TTLL8: variants seen among roughly 807,000 people sequenced by gnomAD.
The protein encoded by TTLL8 is protein monoglycylase TTLL8.
A neutral mutation model predicts 77.8 loss-of-function variants in TTLL8; 65 were observed. That is an observed-to-expected ratio of 0.84 (90% CI 0.68 to 1.03). TTLL8 has a LOEUF of 1.03. Ranked by LOEUF, TTLL8 falls within the 50% of genes least tolerant of loss-of-function variation. The pLI, the probability that TTLL8 is intolerant of heterozygous loss-of-function variation, is 0.00. For missense variants in TTLL8, 910 were observed against 1,004.5 expected (o/e 0.91, Z 1.27); for synonymous variants, 402 against 422.8 (o/e 0.95, Z 0.60).
chr22:50,033,111 GC>G, intron 10 of TTLL8, 90 bp downstream of exon 11: 2 of 1,246,746 alleles, frequency 1.6e-6, no homozygotes, highest in Non-Finnish European at 2.1e-6. Flanking sequence ...AGGGGGCCCT[GC>G]CCGTGCTGCT....
chr22:50,049,179 C>A, intron 3 of TTLL8, 70 bp downstream of exon 5: 1 of 1,361,446 alleles, frequency 7.3e-7, no homozygotes, highest in African/African-American at 1.5e-5. Flanking sequence ...AGAGTGGGCA[C>A]GGAGCAGGGC....
intron 1 of TTLL8, 125 bp from the exon 4 acceptor site, chr22:50,050,372 G>T: frequency 1.6e-5 from 8 of 508,844 alleles, no homozygotes; most frequent in South Asian, 3.7e-5. Context: ...CACCCAATAT[G>T]TCCTTTTTTT....
At chr22:50,027,674 A>G in intron 12 of TTLL8, 2 of 985,430 alleles carry the variant, frequency 2.0e-6, no homozygotes, top group South Asian at 9.4e-5. Flanking sequence ...TGCTGGCCGG[A>G]CTGGGCCTGG....
Position 50,054,596 on chromosome 22 carries a change from TG to T in TTLL8, c.30del (p.Arg11GlyfsTer31). Reference sequence around the variant, plus strand: ...CCTACGCAGGCATTCTCTGAGTACCTGGAAGTCTGTTTCCCATCCAGGAGCC... The same window carrying T: ...CCTACGCAGGCATTCTCTGAGTACCTGAAGTCTGTTTCCCATCCAGGAGCC... On this transcript the variant is annotated frameshift_variant, in exon 1 of 14. Coordinates refer to ENST00000266182, the Ensembl canonical transcript of TTLL8. LOFTEE classifies it high-confidence loss of function. 1 of 248,516 alleles carries T rather than the reference TG, an allele frequency of 4.0e-6. No individual in the cohort carries two copies. 15.4% of individuals were successfully genotyped at this position (248,516 alleles called of 1,614,324 possible).
At chr22:50,030,512 C>G in exon 12 of TTLL8, 2 of 1,339,976 alleles carry the variant, frequency 1.5e-6, no homozygotes, top group Non-Finnish European at 2.0e-6. Flanking sequence ...GCGCATTTAG[C>G]TGGTTTGGAT....
At chr22:50,046,957 C>T (rs542898675) in intron 4 of TTLL8, 17 of 517,408 alleles carry the variant, frequency 3.3e-5, no homozygotes, top group African/African-American at 3.1e-4. Flanking sequence ...GCCCCGGATT[C>T]ACCCAGAGAC....
rs2061321321 is a variant in TTLL8 at position 50,034,413 on chromosome 22, A to G, written c.971T>C (p.Ile324Thr). The stretch of plus-strand genomic sequence containing the variant: ...AATCCAGATGTTCCGGAGCCCGTCA[A>G]TGTCCGTCTGAGGGTTCACAGACGT... The change falls in exon 9 of 14, where the codon ATT (isoleucine) becomes ACT (threonine). Residue 324 changes from isoleucine to threonine, a missense_variant. Around this residue, in one of 2 missense-constraint regions of TTLL8, gnomAD observed 776 missense variants for 926.1 expected, o/e 0.84. Transcript: ENST00000266182. This position sits in a 1 kb window ranked among gnomAD's most constrained non-coding sequence, Gnocchi z 4.1. 1 of 1,367,354 alleles carries G rather than the reference A, an allele frequency of 7.3e-7. No homozygotes were observed. Among genetic ancestry groups the G allele is most frequent in the Non-Finnish European group, 9.8e-7 (1 of 1,021,824 alleles). The allele number at this position is 1,367,354 out of a possible 1,614,324, so 84.7% of individuals were successfully genotyped here.
intron 6 of TTLL8, among the ~76,000 whole-genome samples, chr22:50,043,620 T>G (rs1165685396): frequency 6.6e-6 from 1 of 151,864 alleles, no homozygotes; most frequent in Non-Finnish European, 1.5e-5. Flanking sequence ...TGCCGACGTG[T>G]CCTTCAGTAG....
chr22:50,057,190 GGGTC>G (rs2061475953), upstream of TTLL8, among the ~76,000 whole-genome samples: 1 of 149,646 alleles, frequency 6.7e-6, no homozygotes, highest in Non-Finnish European at 1.5e-5. Flanking sequence ...CTGGGGTTGG[GGGTC>G]AGGTCTGGAT....
At chr22:50,050,160 A>T in exon 2 of TTLL8, 1 of 1,367,088 alleles carries the variant, frequency 7.3e-7, no homozygotes, top group Non-Finnish European at 9.8e-7. Context: ...TTGGGCAAAA[A>T]GTGGAACTTC....
intron 12 of TTLL8, among the ~76,000 whole-genome samples, chr22:50,019,333 A>G (rs137880): frequency 0.24 from 37,140 of 152,184 alleles, 4,908 homozygotes; most frequent in Middle Eastern, 0.36. Flanking sequence ...AATGAAATCA[A>G]ATGGTAGGTA....
At chr22:50,047,219 G>A in exon 4 of TTLL8, 1 of 1,367,644 alleles carries the variant, frequency 7.3e-7, no homozygotes, top group Non-Finnish European at 9.8e-7. Flanking sequence ...TCTGGTCGTA[G>A]GTCAGGCTGT....
intron 8 of TTLL8, among the ~76,000 whole-genome samples, chr22:50,035,351 A>G (rs1249304781): frequency 6.6e-6 from 1 of 152,146 alleles, no homozygotes; most frequent in African/African-American, 2.4e-5. Flanking sequence ...GGTTCCATTC[A>G]CACCTGCTGG....
Position 50,042,000 on chromosome 22 carries a change from A to C in TTLL8, c.644-193T>G, listed in dbSNP as rs376051188. 3.3e-5 allele frequency among the ~76,000 whole-genome samples: 5 copies of C among 152,276 alleles called. No individual in the cohort carries two copies. The South Asian group carries it at 8.3e-4, about 25-fold the overall frequency. ...AAGCTTCTCTGGGCAACCGCCCTGG[A>C]TGTCACGCCTGTGTCTGGGCAGGTG... On this transcript the variant is annotated intron_variant, in intron 6 of 13. Coordinates refer to ENST00000266182, the Ensembl canonical transcript of TTLL8. This position sits in a 1 kb window ranked among gnomAD's most constrained non-coding sequence, Gnocchi z 4.3.
chr22:50,041,152 G>A lies in TTLL8; in HGVS notation c.921+35C>T, dbSNP rs1437975150. The A allele has an allele frequency of 2.5e-6, 1 of 399,522 alleles. No homozygotes were observed. Among genetic ancestry groups the A allele is most frequent in the Non-Finnish European group, 4.9e-6 (1 of 202,080 alleles). The allele number at this position is 399,522 out of a possible 1,614,324, so 24.7% of individuals were successfully genotyped here. A position where few individuals can be genotyped will look rare whatever the true frequency, so the allele number is the denominator to read the frequency against. On this transcript the variant is annotated intron_variant, in intron 8 of 13. Coordinates refer to ENST00000266182, the Ensembl canonical transcript of TTLL8. This position sits in a 1 kb window ranked among gnomAD's most constrained non-coding sequence, Gnocchi z 4.3. ...GTCACTCACCAACACCAAGAGTGAG[G>A]CAGGTGCCCCAGTGGAGAGACAGAC...
chr22:50,031,078 C>G (rs1249355618), intron 11 of TTLL8, among the ~76,000 whole-genome samples, 153 bp from the exon 13 acceptor site: 1 of 152,136 alleles, frequency 6.6e-6, no homozygotes, highest in Non-Finnish European at 1.5e-5. Context: ...CGCAGACCCC[C>G]AGGAGGCCCC....
intron 12 of TTLL8, among the ~76,000 whole-genome samples, chr22:50,023,077 A>T (rs2061214011): frequency 6.6e-6 from 1 of 152,266 alleles, no homozygotes; most frequent in African/African-American, 2.4e-5. Context: ...GTCCATGTAC[A>T]AAACCAGGGC....
chr22:50,035,626 C>G (rs564962429), intron 8 of TTLL8, among the ~76,000 whole-genome samples: 31 of 152,322 alleles, frequency 2.0e-4, no homozygotes, highest in African/African-American at 7.0e-4. Flanking sequence ...TGGAGCAAAC[C>G]GGGCACAGCC....
chr22:50,046,158 C>G (rs1049586284), intron 4 of TTLL8, among the ~76,000 whole-genome samples, 188 bp from the exon 7 acceptor site: 1 of 152,196 alleles, frequency 6.6e-6, no homozygotes, highest in Non-Finnish European at 1.5e-5. Flanking sequence ...CCCCTCCAGC[C>G]GGTGGGAGCA....
Sources: gnomAD v4.1 joint callset for allele counts (sites outside exome capture counted in the v4.1 genomes callset) on GRCh38, gnomAD v4.1.1 for gene constraint, gnomAD v4.1.1 regional missense constraint, Gnocchi (gnomAD v3.1) non-coding constraint, MANE v1.5 for transcripts, NCBI Gene and HGNC (gene_info 2026-07-23, HGNC 2026-07-21) for gene names.